Variants in RPTOR observed in about 807,000 individuals in gnomAD.
The protein encoded by RPTOR is regulatory associated protein of MTOR complex 1, also known as regulatory-associated protein of mTOR.
In RPTOR, 21 loss-of-function variants were observed where a neutral mutation model predicts 169.9. The observed-to-expected ratio is 0.12, with a 90% CI of 0.09 to 0.18. The LOEUF is 0.18. Among genes scored for constraint, RPTOR ranks in the 10% least tolerant of loss-of-function variants. The probability of loss-of-function intolerance (pLI) is 1.00; values close to 1 mark genes in which losing one functional copy is unlikely to be tolerated. For synonymous variants in RPTOR, 732 were observed against 753.2 expected (o/e 0.97, Z 0.46); for missense variants, 1,133 against 1,855.9 (o/e 0.61, Z 7.16).
chr17:80,934,348 A>C (rs934235428), intron 24 of RPTOR, among the ~76,000 whole-genome samples: 1 of 151,906 alleles, frequency 6.6e-6, no homozygotes, highest in Non-Finnish European at 1.5e-5. Context: ...CTATTAAAGA[A>C]AATGAAGTTT....
intron 7 of RPTOR, among the ~76,000 whole-genome samples, chr17:80,812,313 A>G (rs2067281171): frequency 1.3e-5 from 2 of 151,990 alleles, no homozygotes; most frequent in Non-Finnish European, 2.9e-5. Flanking sequence ...GGTTTCAAAC[A>G]TATATACAGT....
intron 7 of RPTOR, among the ~76,000 whole-genome samples, chr17:80,812,580 C>T (rs1179283059): frequency 6.6e-6 from 1 of 152,158 alleles, no homozygotes; most frequent in East Asian, 1.9e-4. Flanking sequence ...GTCCCTGCTG[C>T]TGGGTCCCTT....
chr17:80,669,539 C>A (rs567953533), intron 3 of RPTOR, among the ~76,000 whole-genome samples: 2 of 152,342 alleles, frequency 1.3e-5, no homozygotes, highest in Non-Finnish European at 2.9e-5. Context: ...CGTGCGCCAC[C>A]ATGCCCGGCT....
chr17:80,777,024 A>G (rs1162057553), intron 6 of RPTOR, among the ~76,000 whole-genome samples: 4 of 152,170 alleles, frequency 2.6e-5, no homozygotes, highest in African/African-American at 9.7e-5. Flanking sequence ...AGATTACCTG[A>G]GGTCGGGAGT....
At chr17:80,616,610 T>C (rs1479991429) in intron 1 of RPTOR, among the ~76,000 whole-genome samples, 1 of 152,144 alleles carries the variant, frequency 6.6e-6, no homozygotes, top group Non-Finnish European at 1.5e-5. Flanking sequence ...AAGTTGAAAA[T>C]CTTGTTCCAT....
chr17:80,629,169 G>C (rs112567170), intron 2 of RPTOR, among the ~76,000 whole-genome samples: 49 of 115,422 alleles, frequency 4.2e-4, no homozygotes, highest in South Asian at 5.7e-4. Flanking sequence ...GTGTGTCTCT[G>C]TCTTCTGGGA....
chr17:80,831,843 A>ATCCCTGTGTG (rs111926829), intron 9 of RPTOR, among the ~76,000 whole-genome samples: 1 of 27,170 alleles, frequency 3.7e-5, no homozygotes, highest in Non-Finnish European at 6.4e-5. Context: ...GTCACTGTGT[A>ATCCCTGTGTG]TCCCTGTGTG....
chr17:80,939,019 A>G (rs2068989879), intron 24 of RPTOR, among the ~76,000 whole-genome samples: 3 of 152,240 alleles, frequency 2.0e-5, no homozygotes, highest in East Asian at 1.9e-4. Flanking sequence ...CATTTCTTCT[A>G]TCAGAGAAAG....
intron 6 of RPTOR, among the ~76,000 whole-genome samples, chr17:80,774,902 T>G (rs933194508): frequency 6.6e-6 from 1 of 152,204 alleles, no homozygotes; most frequent in African/African-American, 2.4e-5. Context: ...GGTTTTCAAG[T>G]AATTAAGCTG....
intron 2 of RPTOR, among the ~76,000 whole-genome samples, chr17:80,640,615 G>A (rs184972920): frequency 2.6e-3 from 391 of 152,336 alleles, no homozygotes; most frequent in Middle Eastern, 3.4e-3. Context: ...GTCAGGGCAG[G>A]GAGAGTGGGG....
chr17:80,631,960 A>G (rs1459355265), intron 2 of RPTOR, among the ~76,000 whole-genome samples: 1 of 152,114 alleles, frequency 6.6e-6, no homozygotes, highest in East Asian at 1.9e-4. Flanking sequence ...AATTCTTCTC[A>G]TCTAAATCTC....
chr17:80,839,149 G>A (rs903833879), intron 10 of RPTOR, among the ~76,000 whole-genome samples: 5 of 152,234 alleles, frequency 3.3e-5, no homozygotes, highest in Admixed American at 1.3e-4. Flanking sequence ...GCGTGCGTGC[G>A]TGTGTACGCG....
chr17:80,606,121 C>CG (rs1282320121), intron 1 of RPTOR, among the ~76,000 whole-genome samples: 1 of 152,094 alleles, frequency 6.6e-6, no homozygotes, highest in Non-Finnish European at 1.5e-5. Context: ...ACGCCGTTCT[C>CG]CTGCCTCAGC....
At chr17:80,875,225 CG>C (rs1445851735) in intron 13 of RPTOR, among the ~76,000 whole-genome samples, 1 of 152,082 alleles carries the variant, frequency 6.6e-6, no homozygotes, top group Admixed American at 6.5e-5. Flanking sequence ...CCCGGCCTTA[CG>C]GGTGCACCTT....
chr17:80,793,157 A>G (rs1160905336), intron 7 of RPTOR, among the ~76,000 whole-genome samples: 2 of 152,188 alleles, frequency 1.3e-5, no homozygotes, highest in African/African-American at 4.8e-5. Context: ...CTACTCAGAA[A>G]CAATGCTCTT....
intron 10 of RPTOR, among the ~76,000 whole-genome samples, chr17:80,840,873 T>A (rs1018521315): frequency 2.0e-3 from 63 of 30,796 alleles, no homozygotes; most frequent in Non-Finnish European, 2.4e-3. Context: ...GGCAGCTCAC[T>A]CTCACCACAC....
chr17:80,928,717 A>G (rs1341850176), intron 24 of RPTOR, among the ~76,000 whole-genome samples: 2 of 152,246 alleles, frequency 1.3e-5, no homozygotes, highest in African/African-American at 2.4e-5. Flanking sequence ...TGTCTACATT[A>G]GAAACCACAA....
At position 80,924,546 on chromosome 17, in the gene RPTOR, T is replaced by G. The variant is rs74547950; in HGVS notation, c.2809-824T>G. Among the ~76,000 whole-genome samples the G allele has an allele frequency of 4.9e-4, 75 of 152,096 alleles. No homozygotes were observed. In the East Asian group the frequency reaches 9.7e-3, roughly 20 times the overall value. On this transcript the variant is annotated intron_variant, in intron 23 of 33. Transcript: ENST00000306801. ...GCTCAGCCCCAGCCCACCTGGACTT[T>G]CCGTGTCTCGGCAGAGGAGGAGCGA... is the stretch of plus-strand genomic sequence containing the variant.
rs539922813 is a variant in RPTOR, at chr17:80,944,758, A to G, written c.3026-909A>G. Among the ~76,000 whole-genome samples, 12 of 152,324 alleles carry G rather than the reference A, an allele frequency of 7.9e-5. No individual in the cohort carries two copies. In the East Asian group the frequency reaches 2.3e-3, roughly 29 times the overall value. ...GTAATCCCAGCACTTTGAGAAGCCA[A>G]GGTGGATGGATCACTTGAGGTCAGG... On this transcript the variant is annotated intron_variant, in intron 25 of 33. Coordinates refer to ENST00000306801, the MANE Select transcript of RPTOR (RefSeq NM_020761.3).
Sources: gnomAD v4.1 joint callset for allele counts (sites outside exome capture counted in the v4.1 genomes callset) on GRCh38, gnomAD v4.1.1 for gene constraint, MANE v1.5 for transcripts, NCBI Gene and HGNC (gene_info 2026-07-23, HGNC 2026-07-21) for gene names.